The following ILRUN variants were observed in gnomAD, a reference collection of about 807,000 sequenced individuals.
ILRUN encodes protein ILRUN.
Under a neutral mutation model 33.8 loss-of-function variants are expected in ILRUN, and 3 were observed. The ratio of observed to expected loss-of-function variants is 0.09; its 90% CI spans 0.04 to 0.23. The LOEUF is 0.23. Among genes scored for constraint, ILRUN ranks in the 10% least tolerant of loss-of-function variants. The probability of loss-of-function intolerance (pLI) is 1.00; values close to 1 mark genes in which losing one functional copy is unlikely to be tolerated. For synonymous variants in ILRUN, 124 were observed against 138.9 expected, an observed-to-expected ratio of 0.89 and a Z score of 0.75; for missense variants, 210 against 375.1, an observed-to-expected ratio of 0.56 and a Z score of 3.64.
chr6:34,590,759 AG>A (rs1209796409), intron 4 of ILRUN, among the ~76,000 whole-genome samples, 159 bp from the exon 5 acceptor site: 1 of 152,212 alleles, frequency 6.6e-6, no homozygotes, highest in Non-Finnish European at 1.5e-5. Context: ...GGCAGGCCAA[AG>A]ATCAGTACAT....
At chr6:34,614,297 C>CTGTA (rs1212430376) in intron 3 of ILRUN, among the ~76,000 whole-genome samples, 3 of 151,568 alleles carry the variant, frequency 2.0e-5, no homozygotes, top group Non-Finnish European at 4.4e-5. Flanking sequence ...TGGCGGGCAC[C>CTGTA]TGTAGTCCCA....
chr6:34,629,574 T>C (rs367663787), intron 3 of ILRUN, among the ~76,000 whole-genome samples: 24 of 152,360 alleles, frequency 1.6e-4, no homozygotes, highest in Non-Finnish European at 2.8e-4. Context: ...ATTTTTTCCC[T>C]TTGGCTTCTT....
intron 1 of ILRUN, among the ~76,000 whole-genome samples, chr6:34,673,301 T>C (rs35286877): frequency 6.6e-6 from 1 of 151,966 alleles, no homozygotes; most frequent in Non-Finnish European, 1.5e-5. Flanking sequence ...GCTCACCCAG[T>C]CCAGATCAGG....
At chr6:34,685,540 A>G (rs1361196098) in intron 1 of ILRUN, 1 of 152,012 alleles carries the variant, frequency 6.6e-6, no homozygotes, top group East Asian at 1.9e-4. Flanking sequence ...CAGACACCCA[A>G]ATGGCATAGC....
At chr6:34,597,106 C>T (rs1459689249) in intron 4 of ILRUN, among the ~76,000 whole-genome samples, 2 of 152,186 alleles carry the variant, frequency 1.3e-5, no homozygotes, top group African/African-American at 4.8e-5. Flanking sequence ...CCCTACTCCC[C>T]TTACATATTT....
intron 3 of ILRUN, among the ~76,000 whole-genome samples, chr6:34,642,613 A>G (rs1336553061): frequency 2.0e-5 from 3 of 152,108 alleles, no homozygotes; most frequent in Non-Finnish European, 4.4e-5. Flanking sequence ...ACCAGTCAAG[A>G]GCAAAGGTCA....
At chr6:34,665,149 T>C (rs1323482112) in intron 1 of ILRUN, among the ~76,000 whole-genome samples, 1 of 151,542 alleles carries the variant, frequency 6.6e-6, no homozygotes, top group Non-Finnish European at 1.5e-5. Flanking sequence ...TCTTTTTTTT[T>C]TTTTGGTAGA....
intron 3 of ILRUN, among the ~76,000 whole-genome samples, chr6:34,625,657 A>G (rs1762109392): frequency 6.6e-6 from 1 of 152,142 alleles, no homozygotes; most frequent in South Asian, 2.1e-4. Context: ...GCTTAACCAG[A>G]GTTTATGCTT....
intron 1 of ILRUN, among the ~76,000 whole-genome samples, chr6:34,675,578 C>T (rs1763212603): frequency 6.6e-6 from 1 of 152,084 alleles, no homozygotes; most frequent in Non-Finnish European, 1.5e-5. Context: ...CCCGCCACAC[C>T]GCTGCTGCAC....
chr6:34,671,621 T>C (rs1005158361), intron 1 of ILRUN, among the ~76,000 whole-genome samples: 2 of 152,222 alleles, frequency 1.3e-5, no homozygotes, highest in South Asian at 4.1e-4. Flanking sequence ...AAAGGCAGAA[T>C]AAAAACTTTT....
rs973103783 is a variant in ILRUN, at chr6:34,587,609, C to G, written c.*2956G>C. Reference sequence around the variant, plus strand: ...TATTTATTCTCATGCCCATTTCCCACCATGGCCACCCTCAGGCCACACCAG... The same window carrying G: ...TATTTATTCTCATGCCCATTTCCCAGCATGGCCACCCTCAGGCCACACCAG... On this transcript the variant is annotated 3_prime_UTR_variant, in exon 5 of 5. Transcript: ENST00000374023. 3 of 155,080 alleles carry G rather than the reference C, an allele frequency of 1.9e-5. No individual in the cohort carries two copies. Among genetic ancestry groups the G allele is most frequent in the African/African-American group, 7.2e-5 (3 of 41,562 alleles). The allele number at this position is 155,080 out of a possible 1,614,324, so 9.6% of individuals were successfully genotyped here.
At chr6:34,601,972 C>T (rs139410086) in intron 4 of ILRUN, among the ~76,000 whole-genome samples, 2,988 of 152,266 alleles carry the variant, frequency 0.02, 46 homozygotes, top group Non-Finnish European at 0.032. Flanking sequence ...GCAGGGATGG[C>T]TCTGGAGGAG....
At chr6:34,642,244 G>T (rs1379701023) in intron 3 of ILRUN, among the ~76,000 whole-genome samples, 2 of 152,180 alleles carry the variant, frequency 1.3e-5, no homozygotes, top group African/African-American at 4.8e-5. Flanking sequence ...AATTTTGGAG[G>T]AAACAATTAA....
At chr6:34,663,358 G>C (rs1190795482) in intron 1 of ILRUN, among the ~76,000 whole-genome samples, 2 of 152,178 alleles carry the variant, frequency 1.3e-5, no homozygotes, top group Admixed American at 1.3e-4. Flanking sequence ...AGGAGGTTGA[G>C]GCTGCAGTGA....
At chr6:34,617,561 C>T (rs141972116) in intron 3 of ILRUN, among the ~76,000 whole-genome samples, 346 of 152,248 alleles carry the variant, frequency 2.3e-3, no homozygotes, top group Middle Eastern at 6.8e-3. Context: ...GTCAACATGC[C>T]ACCTACGCCT....
chr6:34,638,522 T>C (rs1762410773), intron 3 of ILRUN, among the ~76,000 whole-genome samples: 1 of 151,898 alleles, frequency 6.6e-6, no homozygotes, highest in Admixed American at 6.6e-5. Context: ...AAGACCAGCC[T>C]GGGCAACTTG....
At chr6:34,640,729 GAATGAATGAATA>G (rs1462653039) in intron 3 of ILRUN, among the ~76,000 whole-genome samples, 1 of 127,318 alleles carries the variant, frequency 7.9e-6, no homozygotes, top group Non-Finnish European at 1.6e-5. Context: ...ATGAATGAAT[GAATGAATGAATA>G]AATAAATTAA....
intron 3 of ILRUN, among the ~76,000 whole-genome samples, chr6:34,623,386 G>C (rs1385373413): frequency 1.3e-5 from 2 of 152,074 alleles, no homozygotes; most frequent in African/African-American, 2.4e-5. Flanking sequence ...ATGACATCTT[G>C]CAACAATCCC....
chr6:34,622,277 A>G (rs1447781899), intron 3 of ILRUN, among the ~76,000 whole-genome samples: 1 of 152,186 alleles, frequency 6.6e-6, no homozygotes, highest in East Asian at 1.9e-4. Flanking sequence ...AACAGAGTAA[A>G]AGGCTACCCA....
Sources: gnomAD v4.1 joint callset for allele counts (sites outside exome capture counted in the v4.1 genomes callset) on GRCh38, gnomAD v4.1.1 for gene constraint, MANE v1.5 for transcripts, NCBI Gene and HGNC (gene_info 2026-07-23, HGNC 2026-07-21) for gene names.